The following ELAVL1 variants were observed in gnomAD, a reference collection of about 807,000 sequenced individuals.
The protein encoded by ELAVL1 is ELAV like RNA binding protein 1.
Under a neutral mutation model 28.4 loss-of-function variants are expected in ELAVL1, and 1 was observed. The ratio of observed to expected loss-of-function variants is 0.04; its 90% CI spans 0.01 to 0.17. ELAVL1 has a LOEUF of 0.17. Ranked by LOEUF, ELAVL1 falls within the 10% of genes least tolerant of loss-of-function variation. The pLI is 1.00. For synonymous variants in ELAVL1, 174 were observed against 183.5 expected, an observed-to-expected ratio of 0.95 and a Z score of 0.42; for missense variants, 157 against 447.2, an observed-to-expected ratio of 0.35 and a Z score of 5.85.
chr19:7,973,229 CTTT>C (rs758693392), intron 4 of ELAVL1: 244 of 139,588 alleles, frequency 1.7e-3, no homozygotes, highest in Non-Finnish European at 2.5e-3. Context: ...TAATCCCCAG[CTTT>C]TTTTTTTTTT....
In ELAVL1 at chr19:7,993,981, A is replaced by G. The variant is rs528451727; in HGVS notation, c.-16-2150T>C. On this transcript the variant is annotated intron_variant, in intron 1 of 5. Transcript: ENST00000407627. ...CCTACCCTCCTACTAGTCTCAGACA[A>G]TGTGGAAAATCAGTACAATTTCCTA... Among the ~76,000 whole-genome samples, 5 of 152,262 alleles carry G rather than the reference A, an allele frequency of 3.3e-5. No homozygotes were observed. The East Asian group carries it at 9.7e-4, about 29-fold the overall frequency.
chr19:8,000,558 T>G (rs1028651449), intron 1 of ELAVL1, among the ~76,000 whole-genome samples: 1 of 152,258 alleles, frequency 6.6e-6, no homozygotes, highest in South Asian at 2.1e-4. Context: ...TGACAGGGCT[T>G]GGACCCAATA....
chr19:7,982,929 T>TCAA lies in ELAVL1; in HGVS notation c.173-1746_173-1744dup, dbSNP rs1315642340. ...CACACGATGTCAAGGGCACAGGCCG[T>TCAA]CAACGTGACTTATGGCTGCTGGTGC... On this transcript the variant is annotated intron_variant, in intron 2 of 5. Coordinates refer to ENST00000407627, the MANE Select transcript of ELAVL1 (RefSeq NM_001419.3). The surrounding 1 kb of genome is among the most constrained non-coding windows in gnomAD (Gnocchi z 4.3). Among the ~76,000 whole-genome samples, 2 of 152,200 alleles carry TCAA rather than the reference T, an allele frequency of 1.3e-5. No individual in the cohort carries two copies. The highest frequency in any genetic ancestry group is 4.8e-5 in the African/African-American group (2 of 41,436).
chr19:7,987,849 G>A (rs992009765), intron 2 of ELAVL1, among the ~76,000 whole-genome samples: 2 of 152,214 alleles, frequency 1.3e-5, no homozygotes, highest in Non-Finnish European at 2.9e-5. Context: ...GTCGGCCCAG[G>A]TGCCATAGGA....
At chr19:7,992,232 C>T (rs991571256) in intron 1 of ELAVL1, among the ~76,000 whole-genome samples, 2 of 152,256 alleles carry the variant, frequency 1.3e-5, no homozygotes, top group African/African-American at 4.8e-5. Context: ...TGAGCCACAG[C>T]ACCTGGCCCT....
At chr19:7,970,695 T>A (rs1326136778) in intron 4 of ELAVL1, among the ~76,000 whole-genome samples, 4 of 152,098 alleles carry the variant, frequency 2.6e-5, no homozygotes, top group African/African-American at 9.7e-5. Context: ...ATACAAAAAA[T>A]TAAGCTCTGT....
At chr19:7,976,856 T>TG (rs1355919937) in intron 3 of ELAVL1, among the ~76,000 whole-genome samples, 10 of 150,142 alleles carry the variant, frequency 6.7e-5, no homozygotes, top group Non-Finnish European at 1.3e-4. Flanking sequence ...TTTTTTTTTT[T>TG]TTAGTTTTTT....
At chr19:7,991,070 T>G (rs1985738869) in intron 2 of ELAVL1, among the ~76,000 whole-genome samples, 1 of 152,200 alleles carries the variant, frequency 6.6e-6, no homozygotes, top group Non-Finnish European at 1.5e-5. Context: ...GCAGGGCTTT[T>G]AGCTGCCAGG....
At chr19:7,978,859 G>A (rs1302394033) in intron 3 of ELAVL1, among the ~76,000 whole-genome samples, 1 of 152,168 alleles carries the variant, frequency 6.6e-6, no homozygotes, top group Non-Finnish European at 1.5e-5. Flanking sequence ...GAATAGAACT[G>A]CAGGACACCA....
chr19:7,985,787 G>C (rs980577052), intron 2 of ELAVL1, among the ~76,000 whole-genome samples: 1 of 152,236 alleles, frequency 6.6e-6, no homozygotes, highest in African/African-American at 2.4e-5. Flanking sequence ...GTGAAATGCA[G>C]GGCTGTCCCA....
intron 1 of ELAVL1, among the ~76,000 whole-genome samples, chr19:8,005,186 C>T (rs1280472551): frequency 6.6e-6 from 1 of 152,012 alleles, no homozygotes; most frequent in Non-Finnish European, 1.5e-5. Flanking sequence ...CCCCCGGAGC[C>T]CGGGCTTCCA....
chr19:7,966,749 A>G (rs1338404041), intron 5 of ELAVL1, among the ~76,000 whole-genome samples: 2 of 150,346 alleles, frequency 1.3e-5, no homozygotes, highest in African/African-American at 4.9e-5. Flanking sequence ...CCTCCTGAGT[A>G]GCTGGGACTA....
chr19:7,983,091 A>G (rs1985506317), intron 2 of ELAVL1, among the ~76,000 whole-genome samples: 1 of 152,234 alleles, frequency 6.6e-6, no homozygotes, highest in Non-Finnish European at 1.5e-5. Context: ...GCCCTGACGT[A>G]GCAGCTATAG....
In ELAVL1 at chr19:7,963,275, C is replaced by A. The variant is rs987024659; in HGVS notation, c.*208G>T. The A allele has an allele frequency of 4.3e-5, 26 of 598,598 alleles. No homozygotes were observed. The highest frequency in any genetic ancestry group is 5.1e-5 in the Non-Finnish European group (18 of 350,500). The allele number at this position is 598,598 out of a possible 1,614,324, so 37.1% of individuals were successfully genotyped here. A position where few individuals can be genotyped will look rare whatever the true frequency, so the allele number is the denominator to read the frequency against. ...TATATATCTTAAAGGAAATAACTTACGAAACTTAAGATTGGTCTAACATTG... is the reference window on the plus strand; with the variant it reads ...TATATATCTTAAAGGAAATAACTTAAGAAACTTAAGATTGGTCTAACATTG... On this transcript the variant is annotated 3_prime_UTR_variant, in exon 6 of 6. Transcript: ENST00000407627. This position sits in a 1 kb window ranked among gnomAD's most constrained non-coding sequence, Gnocchi z 4.5.
intron 3 of ELAVL1, among the ~76,000 whole-genome samples, chr19:7,977,208 G>T (rs1218471620): frequency 6.6e-6 from 1 of 152,178 alleles, no homozygotes; most frequent in East Asian, 1.9e-4. Flanking sequence ...GGTGACAGGA[G>T]TTCTGCTGTT....
chr19:7,995,724 C>A lies in ELAVL1; in HGVS notation c.-16-3893G>T, dbSNP rs560302129. Among the ~76,000 whole-genome samples, 4 of 151,488 alleles carry A rather than the reference C, an allele frequency of 2.6e-5. No individual in the cohort carries two copies. The East Asian group carries it at 7.8e-4, about 29-fold the overall frequency. Reference sequence around the variant, plus strand: ...AACATAAAATTTCTTGGAGAAAAATCTTTGTGGCATTGGGCTGGGGAAAGA... The same window carrying A: ...AACATAAAATTTCTTGGAGAAAAATATTTGTGGCATTGGGCTGGGGAAAGA... On this transcript the variant is annotated intron_variant, in intron 1 of 5. Transcript: ENST00000407627.
chr19:7,969,685 C>T (rs1204407218), intron 4 of ELAVL1, among the ~76,000 whole-genome samples: 1 of 152,146 alleles, frequency 6.6e-6, no homozygotes, highest in Non-Finnish European at 1.5e-5. Context: ...CTGACGCTGG[C>T]CGGCTCGTAG....
chr19:7,983,151 A>T (rs1985508236), intron 2 of ELAVL1, among the ~76,000 whole-genome samples: 1 of 152,236 alleles, frequency 6.6e-6, no homozygotes, highest in South Asian at 2.1e-4. Context: ...CCTAAAGAAC[A>T]AAACCAAAAT....
intron 3 of ELAVL1, among the ~76,000 whole-genome samples, chr19:7,980,380 G>A (rs780248508): frequency 9.2e-5 from 14 of 152,160 alleles, no homozygotes; most frequent in Non-Finnish European, 1.6e-4. Context: ...ACGAACCCAG[G>A]AGCCAGAAGG....
Sources: gnomAD v4.1 joint callset for allele counts (sites outside exome capture counted in the v4.1 genomes callset) on GRCh38, gnomAD v4.1.1 for gene constraint, Gnocchi (gnomAD v3.1) non-coding constraint, MANE v1.5 for transcripts, NCBI Gene and HGNC (gene_info 2026-07-23, HGNC 2026-07-21) for gene names.